Variants in ANK3 observed in about 807,000 individuals in gnomAD.
ANK3 encodes ankyrin-3.
ANK3 carries 57 observed loss-of-function variants against 370.9 expected under a neutral mutation model. The observed-to-expected ratio is 0.15, with a 90% confidence interval of 0.12 to 0.19. The LOEUF is 0.19. ANK3 is among the 10% of genes least tolerant of loss of function. The pLI, the probability that ANK3 is intolerant of heterozygous loss-of-function variation, is 1.00. For synonymous variants in ANK3, 1,929 were observed against 1,946.3 expected (o/e 0.99, Z 0.23); for missense variants, 4,439 against 5,302.1 (o/e 0.84, Z 5.06).
chr10:60,393,845 G>A (rs1440541463), upstream of ANK3, among the ~76,000 whole-genome samples: 2 of 151,962 alleles, frequency 1.3e-5, no homozygotes, highest in Admixed American at 1.3e-4. Context: ...TACAAGAGCT[G>A]TGCACATTTA....
At chr10:60,132,754 T>C (rs2094151234) in intron 25 of ANK3, among the ~76,000 whole-genome samples, 2 of 151,944 alleles carry the variant, frequency 1.3e-5, no homozygotes, top group Admixed American at 1.3e-4. Flanking sequence ...GTAGCTGAGA[T>C]TACAGATGCC....
chr10:60,505,121 T>C (rs2075902346), intron 2 of ANK3, among the ~76,000 whole-genome samples: 1 of 152,128 alleles, frequency 6.6e-6, no homozygotes, highest in Non-Finnish European at 1.5e-5. Context: ...AAAATAGCAA[T>C]ATGGCAAAGT....
intron 43 of ANK3, among the ~76,000 whole-genome samples, chr10:60,031,760 G>A (rs1328230561): frequency 6.6e-6 from 1 of 152,124 alleles, no homozygotes; most frequent in Non-Finnish European, 1.5e-5. Flanking sequence ...CTGGCTTATG[G>A]AAACATGTTG....
chr10:60,521,362 T>C (rs2076342935), intron 2 of ANK3, among the ~76,000 whole-genome samples: 1 of 152,152 alleles, frequency 6.6e-6, no homozygotes, highest in Non-Finnish European at 1.5e-5. Context: ...AAAAAGCTAA[T>C]GTGTCTATAG....
At chr10:60,709,335 C>G (rs1160260829) in intron 1 of ANK3, among the ~76,000 whole-genome samples, 1 of 135,562 alleles carries the variant, frequency 7.4e-6, no homozygotes, top group Non-Finnish European at 1.6e-5. Flanking sequence ...ATATCTATAT[C>G]TATCTACATA....
rs188863600 is a variant in ANK3 at position 60,284,848 on chromosome 10, T to A, written c.115-5209A>T. 4.8e-3 allele frequency among the ~76,000 whole-genome samples: 723 copies of A among 152,036 alleles called. 4 individuals carry two copies. Among genetic ancestry groups the A allele is most frequent in the South Asian group, 7.5e-3 (36 of 4,808 alleles). The stretch of plus-strand genomic sequence containing the variant: ...CTTTCTACTTGATGTGCCAAAAAAA[T>A]CTCTAATCTTTCCCCATTACCTCAT... On this transcript the variant is annotated intron_variant, in intron 1 of 43. Transcript: ENST00000280772.
chr10:60,166,317 C>T (rs936518430), intron 23 of ANK3, among the ~76,000 whole-genome samples: 3 of 151,660 alleles, frequency 2.0e-5, no homozygotes, highest in Non-Finnish European at 4.4e-5. Flanking sequence ...GTATTCTGTT[C>T]GATAGAAACA....
chr10:60,030,020 G>A (rs7079592), intron 43 of ANK3, among the ~76,000 whole-genome samples, 194 bp from the exon 44 acceptor site: 10 of 151,544 alleles, frequency 6.6e-5, no homozygotes, highest in Non-Finnish European at 1.3e-4. Flanking sequence ...AGATGCCTTA[G>A]AGGACAAGGC....
At chr10:60,097,639 C>A (rs2090401952) in intron 28 of ANK3, among the ~76,000 whole-genome samples, 1 of 152,146 alleles carries the variant, frequency 6.6e-6, no homozygotes, top group Non-Finnish European at 1.5e-5. Flanking sequence ...CATGTTCTGA[C>A]TAAATGGGTT....
intron 1 of ANK3, among the ~76,000 whole-genome samples, chr10:60,373,017 C>A (rs900288695): frequency 2.4e-4 from 37 of 152,164 alleles, no homozygotes; most frequent in African/African-American, 8.9e-4. Flanking sequence ...TATTGTAAAG[C>A]AATTTGAAAT....
intron 1 of ANK3, among the ~76,000 whole-genome samples, chr10:60,315,354 T>G (rs1221515119): frequency 6.6e-6 from 1 of 152,180 alleles, no homozygotes; most frequent in African/African-American, 2.4e-5. Context: ...TATGTAACTT[T>G]CACTGAGGTG....
Position 60,541,274 on chromosome 10 carries a change from C to T in ANK3, c.96+73912G>A, listed in dbSNP as rs961146342. On this transcript the variant is annotated intron_variant, in intron 2 of 43. Coordinates refer to the ANK3 transcript ENST00000373827. Reference sequence around the variant, plus strand: ...AGATTTCATCTGATGGTGATTAAAGCGGGATTTTCATTTTCTGATTTGTTG... The same window carrying T: ...AGATTTCATCTGATGGTGATTAAAGTGGGATTTTCATTTTCTGATTTGTTG... 3.9e-5 allele frequency among the ~76,000 whole-genome samples: 6 copies of T among 151,944 alleles called. No individual in the cohort carries two copies. In the East Asian group the frequency reaches 5.8e-4, roughly 15 times the overall value.
intron 41 of ANK3, among the ~76,000 whole-genome samples, chr10:60,056,727 A>T (rs1047511824): frequency 6.6e-6 from 1 of 152,092 alleles, no homozygotes; most frequent in Non-Finnish European, 1.5e-5. Flanking sequence ...TATCACCAGT[A>T]AAAAATAAAC....
At chr10:60,198,633 G>A in intron 13 of ANK3, 96 bp from the exon 14 acceptor site, 1 of 1,133,392 alleles carries the variant, frequency 8.8e-7, no homozygotes, top group South Asian at 1.3e-5. Flanking sequence ...GATGTAAGAG[G>A]TACAATCAAC....
chr10:60,412,495 G>T (rs561361548), intron 2 of ANK3, among the ~76,000 whole-genome samples: 9 of 152,278 alleles, frequency 5.9e-5, no homozygotes, highest in South Asian at 4.1e-4. Context: ...TCTCCAGCTT[G>T]CAGATGAAGA....
intron 25 of ANK3, among the ~76,000 whole-genome samples, chr10:60,128,632 T>G (rs1250175924): frequency 6.6e-6 from 1 of 152,120 alleles, no homozygotes; most frequent in Non-Finnish European, 1.5e-5. Context: ...CCACCCACCT[T>G]GGCCTCCCAA....
chr10:60,192,119 C>G (rs2096492818), intron 16 of ANK3, among the ~76,000 whole-genome samples: 1 of 151,998 alleles, frequency 6.6e-6, no homozygotes, highest in African/African-American at 2.4e-5. Flanking sequence ...GTCTCCATCT[C>G]CTGACCTCGT....
upstream of ANK3, among the ~76,000 whole-genome samples, chr10:60,392,221 C>T (rs1273421027): frequency 6.6e-6 from 1 of 152,158 alleles, no homozygotes; most frequent in Non-Finnish European, 1.5e-5. Flanking sequence ...ACTGAATTGA[C>T]AGTTTTATCA....
At chr10:60,253,140 T>A (rs563106214) in intron 7 of ANK3, among the ~76,000 whole-genome samples, 5 of 152,286 alleles carry the variant, frequency 3.3e-5, no homozygotes, top group African/African-American at 1.2e-4. Flanking sequence ...TTTGCCACTG[T>A]CCCATATGTA....
Sources: allele counts gnomAD v4.1 joint callset (sites outside exome capture counted in the v4.1 genomes callset), GRCh38; gene constraint gnomAD v4.1.1; transcripts MANE v1.5; gene names NCBI Gene and HGNC (gene_info 2026-07-23, HGNC 2026-07-21).